RBFOX3: variants seen among roughly 807,000 people sequenced by gnomAD.
RBFOX3 encodes RNA binding protein fox-1 homolog 3.
A neutral mutation model predicts 48.7 loss-of-function variants in RBFOX3; 17 were observed. The ratio of observed to expected loss-of-function variants is 0.35; its 90% CI spans 0.24 to 0.52. The LOEUF is 0.52. Ranked by LOEUF, RBFOX3 falls within the 20% of genes least tolerant of loss-of-function variation. The probability of loss-of-function intolerance (pLI) is 0.94; values close to 1 mark genes in which losing one functional copy is unlikely to be tolerated. For missense variants in RBFOX3, 382 were observed against 497.5 expected, an observed-to-expected ratio of 0.77 and a Z score of 2.21; for synonymous variants, 212 against 209.5, an observed-to-expected ratio of 1.01 and a Z score of -0.10.
intron 4 of RBFOX3, among the ~76,000 whole-genome samples, chr17:79,211,346 C>CA (rs2058356481): frequency 6.6e-6 from 1 of 152,222 alleles, no homozygotes; most frequent in African/African-American, 2.4e-5. Flanking sequence ...CCTGCCCGCT[C>CA]AGCCTCCGGA....
chr17:79,200,053 C>G (rs1039972033), intron 4 of RBFOX3, among the ~76,000 whole-genome samples: 17 of 150,036 alleles, frequency 1.1e-4, no homozygotes, highest in Non-Finnish European at 2.4e-4. Context: ...ATCCCAGCTA[C>G]TTGGGAGGCT....
chr17:79,092,605 G>A, intron 14 of RBFOX3: 1 of 987,780 alleles, frequency 1.0e-6, no homozygotes, highest in Non-Finnish European at 1.2e-6. Flanking sequence ...TGCTAGTAGG[G>A]GGTGAAGCGG....
intron 2 of RBFOX3, among the ~76,000 whole-genome samples, chr17:79,318,018 G>C (rs1187404759): frequency 1.3e-5 from 2 of 152,114 alleles, no homozygotes; most frequent in African/African-American, 4.8e-5. Flanking sequence ...TAAAAAAACT[G>C]TCTGTGGATT....
intron 3 of RBFOX3, among the ~76,000 whole-genome samples, chr17:79,271,907 C>T (rs562577792): frequency 5.7e-4 from 87 of 152,304 alleles, no homozygotes; most frequent in African/African-American, 1.8e-3. Context: ...AGCCAGTGAC[C>T]GCAAGAACAG....
At chr17:79,255,214 C>T (rs2064580810) in intron 3 of RBFOX3, among the ~76,000 whole-genome samples, 1 of 127,080 alleles carries the variant, frequency 7.9e-6, no homozygotes, top group East Asian at 2.3e-4. Context: ...CCTGTGGTCA[C>T]ATGTGTGCGT....
intron 4 of RBFOX3, among the ~76,000 whole-genome samples, chr17:79,197,140 C>T (rs2055761637): frequency 6.8e-6 from 1 of 147,518 alleles, no homozygotes; most frequent in Non-Finnish European, 1.5e-5. Context: ...GGAGGTGCAC[C>T]AGTTCCTGTG....
At chr17:79,611,130 T>TCTCTCTCTC (rs1491548376), upstream of RBFOX3, among the ~76,000 whole-genome samples, 936 of 37,806 alleles carry the variant, frequency 0.025, 409 homozygotes, top group East Asian at 0.06. Flanking sequence ...TCCGCCCTCC[T>TCTCTCTCTC]TCTCTCTCTC....
At chr17:79,437,320 G>T (rs938395709) in intron 2 of RBFOX3, among the ~76,000 whole-genome samples, 1 of 152,214 alleles carries the variant, frequency 6.6e-6, no homozygotes, top group African/African-American at 2.4e-5. Flanking sequence ...TCCAGCCGGG[G>T]AGGCCGGGTC....
At chr17:79,332,956 G>A (rs1166009451) in intron 2 of RBFOX3, among the ~76,000 whole-genome samples, 1 of 150,548 alleles carries the variant, frequency 6.6e-6, no homozygotes, top group African/African-American at 2.5e-5. Context: ...AAACGGGAGG[G>A]AAAGAGACAG....
chr17:79,190,440 C>CTACA (rs1024817953), intron 4 of RBFOX3, among the ~76,000 whole-genome samples: 3 of 128,170 alleles, frequency 2.3e-5, no homozygotes, highest in African/African-American at 8.8e-5. Flanking sequence ...AACAAAAAAA[C>CTACA]AGAGTGAAGA....
chr17:79,523,499 G>T (rs1331730348), intron 1 of RBFOX3, among the ~76,000 whole-genome samples: 2 of 152,166 alleles, frequency 1.3e-5, no homozygotes, highest in African/African-American at 4.8e-5. Flanking sequence ...AAGCTTCCGT[G>T]ACTCTTCTTG....
At chr17:79,516,861 C>T (rs987481541) in intron 1 of RBFOX3, among the ~76,000 whole-genome samples, 76 of 152,174 alleles carry the variant, frequency 5.0e-4, no homozygotes, top group Admixed American at 4.8e-3. Context: ...GAAAACGTGA[C>T]GCCGAGACAA....
chr17:79,505,172 G>A (rs1034638785), intron 1 of RBFOX3, among the ~76,000 whole-genome samples: 34 of 152,224 alleles, frequency 2.2e-4, no homozygotes, highest in African/African-American at 7.5e-4. Flanking sequence ...GCACCACAAA[G>A]GAACTCTATC....
At chr17:79,528,145 C>T (rs2087065536) in intron 1 of RBFOX3, among the ~76,000 whole-genome samples, 2 of 151,960 alleles carry the variant, frequency 1.3e-5, no homozygotes, top group East Asian at 3.9e-4. Flanking sequence ...TTAGTTGAAC[C>T]TCTGAGGTAT....
Position 79,443,790 on chromosome 17 carries a change from G to A in RBFOX3, c.-175+38664C>T, listed in dbSNP as rs920477653. 1.3e-5 allele frequency among the ~76,000 whole-genome samples: 2 copies of A among 151,948 alleles called. No homozygotes were observed. The highest frequency in any genetic ancestry group is 6.6e-5 in the Admixed American group (1 of 15,260). On this transcript the variant is annotated intron_variant, in intron 2 of 14. Coordinates refer to ENST00000693108, the MANE Select transcript of RBFOX3 (RefSeq NM_001350451.2). The surrounding 1 kb of genome is among the most constrained non-coding windows in gnomAD (Gnocchi z 4.4). ...ACCACACTGTCCCACTGCCTCCCTC[G>A]GCCCCCGACCCTTTATTTGCTGAGC... is the stretch of plus-strand genomic sequence containing the variant.
Position 79,364,633 on chromosome 17 carries a change from G to T in RBFOX3, c.-174-56809C>A, listed in dbSNP as rs1209239247. 6.6e-6 allele frequency among the ~76,000 whole-genome samples: 1 copy of T among 152,242 alleles called. No individual in the cohort carries two copies. Among genetic ancestry groups the T allele is most frequent in the African/African-American group, 2.4e-5 (1 of 41,464 alleles). On this transcript the variant is annotated intron_variant, in intron 2 of 14. Coordinates refer to ENST00000693108, the MANE Select transcript of RBFOX3 (RefSeq NM_001350451.2). This position sits in a 1 kb window ranked among gnomAD's most constrained non-coding sequence, Gnocchi z 5.1. ...TGAGGGTGTGCTGGTGGGTGACGGG[G>T]AGCGGGCGTGAGCAGGTCGGATAGC...
the RBFOX3 span, among the ~76,000 whole-genome samples, chr17:79,645,948 C>T: frequency 6.6e-6 from 1 of 152,170 alleles, no homozygotes; most frequent in Admixed American, 6.5e-5. Context: ...GATGGATGCT[C>T]CTGCACCTCC....
Position 79,543,878 on chromosome 17 carries a change from ATGGGGCAAGGGTGGGATGCAGGGTGAG to A in RBFOX3, c.-319-61307_-319-61281del, listed in dbSNP as rs2090053636. Among the ~76,000 whole-genome samples, 16 of 146,194 alleles carry A rather than the reference ATGGGGCAAGGGTGGGATGCAGGGTGAG, an allele frequency of 1.1e-4. No homozygotes were observed. The South Asian group carries it at 3.6e-3, about 33-fold the overall frequency. On this transcript the variant is annotated intron_variant, in intron 1 of 14. Transcript: ENST00000693108. ...AAGGGTGGGATGCAGGGTGGGCCGAATGGGGCAAGGGTGGGATGCAGGGTGAGCCCCCTACCCCCCAGAGCCAGGGTG... is the reference window on the plus strand; with the variant it reads ...AAGGGTGGGATGCAGGGTGGGCCGAACCCCCTACCCCCCAGAGCCAGGGTG...
chr17:79,489,952 G>C (rs1360531680), intron 1 of RBFOX3, among the ~76,000 whole-genome samples: 2 of 152,120 alleles, frequency 1.3e-5, no homozygotes, highest in African/African-American at 4.8e-5. Flanking sequence ...AGCAAAATTT[G>C]CTCTTTCTTT....
Sources: allele counts gnomAD v4.1 joint callset (sites outside exome capture counted in the v4.1 genomes callset), GRCh38; gene constraint gnomAD v4.1.1; non-coding constraint Gnocchi (gnomAD v3.1); transcripts MANE v1.5; gene names NCBI Gene and HGNC (gene_info 2026-07-23, HGNC 2026-07-21).